Variants in MAP2 observed in about 807,000 individuals in gnomAD.
MAP2 encodes the protein microtubule associated protein 2.
In MAP2, 14 loss-of-function variants were observed where a neutral mutation model predicts 137.6. That is an observed-to-expected ratio of 0.10 (90% CI 0.07 to 0.16). The LOEUF is 0.16. Ranked by LOEUF, MAP2 falls within the 10% of genes least tolerant of loss-of-function variation. The pLI, the probability that MAP2 is intolerant of heterozygous loss-of-function variation, is 1.00. For synonymous variants in MAP2, 786 were observed against 782.3 expected (o/e 1.00, Z -0.08); for missense variants, 2,088 against 2,191.5 (o/e 0.95, Z 0.94).
chr2:209,454,153 A>C (rs1700972347), intron 1 of MAP2, among the ~76,000 whole-genome samples: 1 of 10,800 alleles, frequency 9.3e-5, no homozygotes, highest in South Asian at 4.3e-3. Context: ...CTGTCTCAAA[A>C]AAAAAAAAAA....
chr2:209,682,805 G>T (rs1052464097), intron 7 of MAP2, among the ~76,000 whole-genome samples: 1 of 152,146 alleles, frequency 6.6e-6, no homozygotes, highest in Non-Finnish European at 1.5e-5. Context: ...GAGCAGTGGA[G>T]TGTGAGAGTA....
In MAP2 at chr2:209,557,027, T is replaced by A. The variant is rs147179813; in HGVS notation, c.-171-23009T>A. Among the ~76,000 whole-genome samples the A allele has an allele frequency of 5.4e-3, 828 of 152,330 alleles. 9 individuals carry two copies. The highest frequency in any genetic ancestry group is 0.019 in the African/African-American group (801 of 41,574). On this transcript the variant is annotated intron_variant, in intron 2 of 15. Coordinates refer to ENST00000682079, the MANE Select transcript of MAP2 (RefSeq NM_001375505.1). ...GACATCTACCAGATAAGGAAATATA[T>A]TTTGAATATCTATGTTAACAGAAGA...
rs145413351 is a variant in MAP2 at position 209,591,140 on chromosome 2, A to G, written c.-107+11040A>G. 1.1e-4 allele frequency among the ~76,000 whole-genome samples: 16 copies of G among 152,298 alleles called. No homozygotes were observed. The East Asian group carries it at 3.1e-3, about 29-fold the overall frequency. Reference sequence around the variant, plus strand: ...TTAGCAAGGGTAAGTCTGTTTTACAAAGACAAAGAGCTAATTGTCTGTGGG... The same window carrying G: ...TTAGCAAGGGTAAGTCTGTTTTACAGAGACAAAGAGCTAATTGTCTGTGGG... On this transcript the variant is annotated intron_variant, in intron 3 of 15. Transcript: ENST00000682079.
chr2:209,666,799 G>A (rs1365535575), intron 5 of MAP2, among the ~76,000 whole-genome samples: 1 of 151,484 alleles, frequency 6.6e-6, no homozygotes, highest in African/African-American at 2.4e-5. Flanking sequence ...AGATAAGTTT[G>A]AATTTAATTT....
chr2:209,529,105 A>G (rs1275626740), intron 2 of MAP2, among the ~76,000 whole-genome samples: 1 of 152,000 alleles, frequency 6.6e-6, no homozygotes, highest in African/African-American at 2.4e-5. Flanking sequence ...GGAGTTTGCT[A>G]TAGTACACAT....
In MAP2 at chr2:209,516,669, A is replaced by G. The variant is rs569652176; in HGVS notation, c.-172+9028A>G. On this transcript the variant is annotated intron_variant, in intron 2 of 15. Transcript: ENST00000682079. ...CGTTTAACTTGACAGGCAACTTTAT[A>G]GTTGCAAACCATTTTAAATTTCACT... Among the ~76,000 whole-genome samples, 3 of 152,280 alleles carry G rather than the reference A, an allele frequency of 2.0e-5. No homozygotes were observed. The East Asian group carries it at 5.8e-4, about 29-fold the overall frequency.
rs749806719 is a variant in MAP2, at chr2:209,694,656, C to T, written c.2486C>T (p.Ala829Val). The change falls in exon 8 of 16, where the codon GCC (alanine) becomes GTC (valine). Residue 829 changes from alanine (A) to valine (V), a missense_variant. This residue lies in a region of MAP2 where 500 missense variants were observed against 482.9 expected (regional missense o/e 1.04). Transcript: ENST00000682079. Reference protein sequence around the residue: ...LASVSADAEVARRKSVPSETV... With the variant: ...LASVSADAEVVRRKSVPSETV... ...TCTGTGAGTGCAGATGCTGAGGTTG[C>T]CAGGAGGAAATCAGTCCCATCAGAG... The T allele has an allele frequency of 4.0e-5, 65 of 1,613,916 alleles. No homozygotes were observed. Among genetic ancestry groups the T allele is most frequent in the Non-Finnish European group, 5.4e-5 (64 of 1,180,008 alleles).
At chr2:209,508,358 CT>C (rs1223387810) in intron 2 of MAP2, among the ~76,000 whole-genome samples, 1 of 151,238 alleles carries the variant, frequency 6.6e-6, no homozygotes, top group Non-Finnish European at 1.5e-5. Context: ...TGTTGCTAAA[CT>C]TTTTGTATAG....
chr2:209,588,031 G>T (rs1260990096), intron 3 of MAP2, among the ~76,000 whole-genome samples: 1 of 152,170 alleles, frequency 6.6e-6, no homozygotes, highest in African/African-American at 2.4e-5. Context: ...AGGCACCTTT[G>T]CACTGTATAT....
At chr2:209,684,209 A>C (rs1241336620) in intron 7 of MAP2, among the ~76,000 whole-genome samples, 1 of 152,220 alleles carries the variant, frequency 6.6e-6, no homozygotes, top group East Asian at 1.9e-4. Flanking sequence ...GAATGGAATA[A>C]TCTGAACACA....
intron 2 of MAP2, among the ~76,000 whole-genome samples, chr2:209,543,736 A>T (rs1172741204): frequency 6.6e-6 from 1 of 152,214 alleles, no homozygotes. Context: ...TATTTTAAAG[A>T]TTTAAGGGCA....
intron 2 of MAP2, among the ~76,000 whole-genome samples, chr2:209,518,717 T>C (rs977232454): frequency 3.9e-5 from 6 of 152,072 alleles, no homozygotes; most frequent in African/African-American, 1.4e-4. Flanking sequence ...AATAGTTACA[T>C]AGATATATAC....
intron 4 of MAP2, among the ~76,000 whole-genome samples, chr2:209,650,292 A>T (rs1174243232): frequency 1.3e-5 from 2 of 152,162 alleles, no homozygotes; most frequent in African/African-American, 4.8e-5. Flanking sequence ...TTTTGTGGCA[A>T]ATTGGTTTGG....
chr2:209,640,070 T>TA (rs1382100253), intron 4 of MAP2, among the ~76,000 whole-genome samples: 1 of 152,146 alleles, frequency 6.6e-6, no homozygotes, highest in Non-Finnish European at 1.5e-5. Context: ...ATCTAGGCTC[T>TA]TTCTTCCTAG....
intron 3 of MAP2, among the ~76,000 whole-genome samples, chr2:209,594,668 C>T (rs1288748351): frequency 1.3e-5 from 2 of 152,154 alleles, no homozygotes; most frequent in African/African-American, 4.8e-5. Context: ...TATCACTGAT[C>T]ATATTTCATA....
intron 2 of MAP2, among the ~76,000 whole-genome samples, chr2:209,528,793 T>C (rs928612985): frequency 4.7e-5 from 7 of 148,294 alleles, no homozygotes; most frequent in African/African-American, 1.8e-4. Flanking sequence ...TATGTATATA[T>C]GTACATGTAC....
intron 11 of MAP2, chr2:209,704,577 C>T (rs770575414): frequency 6.2e-7 from 1 of 1,610,686 alleles, no homozygotes; most frequent in South Asian, 1.1e-5. Context: ...CCCACCTCAG[C>T]AGGCTCCACA....
At chr2:209,666,984 A>G (rs2046606846) in intron 5 of MAP2, among the ~76,000 whole-genome samples, 1 of 152,046 alleles carries the variant, frequency 6.6e-6, no homozygotes, top group South Asian at 2.1e-4. Context: ...TGGAAAAACT[A>G]CAGTATGTAA....
At chr2:209,435,659 T>G (rs2149335517) in intron 1 of MAP2, among the ~76,000 whole-genome samples, 1 of 151,682 alleles carries the variant, frequency 6.6e-6, no homozygotes. Flanking sequence ...AAGAAAAATT[T>G]GGGGAAAGAT....
Sources: gnomAD v4.1 joint callset for allele counts (sites outside exome capture counted in the v4.1 genomes callset) on GRCh38, gnomAD v4.1.1 for gene constraint, gnomAD v4.1.1 regional missense constraint, MANE v1.5 for transcripts, NCBI Gene and HGNC (gene_info 2026-07-23, HGNC 2026-07-21) for gene names.